The following GPC5 variants were observed in gnomAD, a reference collection of about 807,000 sequenced individuals.
GPC5 encodes the protein glypican 5, also known as glypican-5.
Under a neutral mutation model 53.9 loss-of-function variants are expected in GPC5, and 47 were observed. The ratio of observed to expected loss-of-function variants is 0.87; its 90% confidence interval spans 0.69 to 1.11. The LOEUF is 1.11. GPC5 is among the 50% of genes most tolerant of loss of function. GPC5 has a pLI of 0.00. For synonymous variants in GPC5, 286 were observed against 263.3 expected, an observed-to-expected ratio of 1.09 and a Z score of -0.84; for missense variants, 748 against 713.1, an observed-to-expected ratio of 1.05 and a Z score of -0.56.
intron 6 of GPC5, among the ~76,000 whole-genome samples, chr13:91,947,859 C>T (rs2039988198): frequency 6.6e-6 from 1 of 152,092 alleles, no homozygotes; most frequent in Non-Finnish European, 1.5e-5. Flanking sequence ...CCATAATAGG[C>T]ATGTAGTAGT....
intron 7 of GPC5, among the ~76,000 whole-genome samples, chr13:92,273,695 CAAT>C (rs36063624): frequency 0.084 from 12,731 of 151,754 alleles, 586 homozygotes; most frequent in Middle Eastern, 0.11. Context: ...AATAAAGAAA[CAAT>C]GATGTGGAAA....
chr13:92,442,708 G>A (rs920144066), intron 7 of GPC5, among the ~76,000 whole-genome samples: 10 of 152,068 alleles, frequency 6.6e-5, no homozygotes, highest in Admixed American at 4.6e-4. Flanking sequence ...ACAACATTCT[G>A]TGAAGACTGT....
At chr13:92,160,808 A>T (rs1240635828) in intron 7 of GPC5, among the ~76,000 whole-genome samples, 4 of 152,194 alleles carry the variant, frequency 2.6e-5, no homozygotes, top group African/African-American at 9.6e-5. Flanking sequence ...ACTGACAATA[A>T]GAAGACGCAG....
chr13:91,456,921 A>C (rs567056519), intron 2 of GPC5, among the ~76,000 whole-genome samples: 226 of 150,768 alleles, frequency 1.5e-3, no homozygotes, highest in Non-Finnish European at 2.0e-3. Flanking sequence ...AAAATGTTTT[A>C]ATATTGAAAG....
At chr13:92,661,914 T>C (rs575429115) in intron 7 of GPC5, among the ~76,000 whole-genome samples, 3 of 152,294 alleles carry the variant, frequency 2.0e-5, no homozygotes, top group African/African-American at 7.2e-5. Context: ...AGTCCTGTTC[T>C]TCTTCAATAT....
chr13:91,822,622 A>G (rs766704731), intron 5 of GPC5, among the ~76,000 whole-genome samples: 1 of 152,110 alleles, frequency 6.6e-6, no homozygotes, highest in Non-Finnish European at 1.5e-5. Flanking sequence ...TGAAAACAGC[A>G]CAGGAAAAAC....
intron 7 of GPC5, among the ~76,000 whole-genome samples, chr13:92,749,668 T>C (rs1889331128): frequency 6.6e-6 from 1 of 152,192 alleles, no homozygotes; most frequent in Non-Finnish European, 1.5e-5. Context: ...TTCCATAACA[T>C]CTTTCAATTG....
intron 5 of GPC5, among the ~76,000 whole-genome samples, chr13:91,843,137 A>AT (rs2038808995): frequency 1.3e-5 from 2 of 152,258 alleles, no homozygotes; most frequent in African/African-American, 4.8e-5. Flanking sequence ...CTGAGCAACG[A>AT]TTTTGTCTGT....
chr13:92,862,301 T>C (rs1404615205), intron 7 of GPC5, among the ~76,000 whole-genome samples: 2 of 152,184 alleles, frequency 1.3e-5, no homozygotes, highest in East Asian at 3.8e-4. Flanking sequence ...ATTCAATTTA[T>C]TCATTCAACA....
chr13:91,698,725 C>T (rs193260298), intron 3 of GPC5, among the ~76,000 whole-genome samples: 65 of 151,764 alleles, frequency 4.3e-4, no homozygotes, highest in Non-Finnish European at 7.4e-4. Context: ...ATATTAAATG[C>T]AATACATTCT....
At chr13:92,609,636 GGCACAAGCAGCTAATCTTAAAAT>G (rs1425662547) in intron 7 of GPC5, among the ~76,000 whole-genome samples, 2 of 152,100 alleles carry the variant, frequency 1.3e-5, no homozygotes, top group African/African-American at 4.8e-5. Context: ...AACCTTATGA[GGCACAAGCAGCTAATCTTAAAAT>G]GCATTTTGTT....
intron 2 of GPC5, among the ~76,000 whole-genome samples, chr13:91,594,423 T>A (rs72641462): frequency 0.061 from 9,299 of 152,282 alleles, 363 homozygotes; most frequent in Non-Finnish European, 0.087. Context: ...ATGACAGAAT[T>A]GTCAATGTAA....
At position 91,477,761 on chromosome 13, in the gene GPC5, A is replaced by G. The variant is rs536842238; in HGVS notation, c.325+28839A>G. Among the ~76,000 whole-genome samples, 120 of 152,332 alleles carry G rather than the reference A, an allele frequency of 7.9e-4. No homozygotes were observed. The Middle Eastern group carries it at 0.017, about 22-fold the overall frequency. The stretch of plus-strand genomic sequence containing the variant: ...AGTGAATTCTCAGAGGGAGCGGGCA[A>G]CCATGTGAAATGAGAAGGAGAGGCC... On this transcript the variant is annotated intron_variant, in intron 2 of 7. Coordinates refer to ENST00000377067, the MANE Select transcript of GPC5 (RefSeq NM_004466.6).
At chr13:92,671,871 G>T (rs1444524996) in intron 7 of GPC5, among the ~76,000 whole-genome samples, 2 of 152,200 alleles carry the variant, frequency 1.3e-5, no homozygotes, top group East Asian at 3.8e-4. Flanking sequence ...TGTGTGCAGG[G>T]TGGATTAGAA....
intron 7 of GPC5, among the ~76,000 whole-genome samples, chr13:92,808,648 CT>C (rs1566427566): frequency 6.6e-6 from 1 of 151,960 alleles, no homozygotes; most frequent in Non-Finnish European, 1.5e-5. Flanking sequence ...AATATTTACC[CT>C]GAGATGTATA....
intron 6 of GPC5, among the ~76,000 whole-genome samples, chr13:92,132,715 T>C (rs756564129): frequency 1.6e-4 from 24 of 152,258 alleles, no homozygotes; most frequent in Non-Finnish European, 3.1e-4. Flanking sequence ...TGATTACCTC[T>C]GTAAAGACCC....
chr13:92,628,729 A>G (rs1158706660), intron 7 of GPC5, among the ~76,000 whole-genome samples: 1 of 152,026 alleles, frequency 6.6e-6, no homozygotes, highest in Non-Finnish European at 1.5e-5. Flanking sequence ...CAAGTGTTCA[A>G]ACCCCTGACT....
intron 2 of GPC5, among the ~76,000 whole-genome samples, chr13:91,614,543 G>T (rs72632628): frequency 6.6e-6 from 1 of 152,060 alleles, no homozygotes. Flanking sequence ...TATTGCCCAG[G>T]CTGGTCTTGA....
intron 7 of GPC5, among the ~76,000 whole-genome samples, chr13:92,466,054 G>A (rs1029429551): frequency 6.6e-6 from 1 of 151,936 alleles, no homozygotes; most frequent in Non-Finnish European, 1.5e-5. Context: ...CACTTTAAAT[G>A]TTCTCACCAC....
Sources: gnomAD v4.1 joint callset for allele counts (sites outside exome capture counted in the v4.1 genomes callset) on GRCh38, gnomAD v4.1.1 for gene constraint, MANE v1.5 for transcripts, NCBI Gene and HGNC (gene_info 2026-07-23, HGNC 2026-07-21) for gene names.